The following TFB1M variants were observed in gnomAD, a reference collection of about 807,000 sequenced individuals.
The protein encoded by TFB1M is transcription factor B1, mitochondrial, also known as dimethyladenosine transferase 1, mitochondrial.
A neutral mutation model predicts 31.1 loss-of-function variants in TFB1M; 27 were observed. The ratio of observed to expected loss-of-function variants is 0.87; its 90% CI spans 0.64 to 1.20. TFB1M has a LOEUF of 1.20. Ranked by LOEUF, TFB1M falls within the 50% of genes most tolerant of loss-of-function variation. TFB1M has a pLI of 0.00. For missense variants in TFB1M, 394 were observed against 418.7 expected (o/e 0.94, Z 0.51); for synonymous variants, 166 against 151.8 (o/e 1.09, Z -0.69).
At chr6:155,310,998 G>A (rs895698382) in intron 2 of TFB1M, 190 bp downstream of exon 2, 12 of 646,398 alleles carry the variant, frequency 1.9e-5, no homozygotes, top group African/African-American at 1.3e-4. Context: ...CCCTCTGAGA[G>A]TGCTTGTTAA....
intron 1 of TFB1M, among the ~76,000 whole-genome samples, chr6:155,312,853 G>A (rs1013071662): frequency 1.3e-5 from 2 of 151,936 alleles, no homozygotes; most frequent in Admixed American, 6.6e-5. Flanking sequence ...TTTAGAATGT[G>A]GCTAATAACA....
downstream of TFB1M, chr6:155,254,639 C>T (rs1402218373): frequency 6.4e-7 from 1 of 1,565,106 alleles, no homozygotes; most frequent in Non-Finnish European, 8.7e-7. Flanking sequence ...AGGATATATG[C>T]TCTTGTAACA....
rs536463374 is a variant in TFB1M at position 155,269,934 on chromosome 6, G to A, written c.667-9534C>T. On this transcript the variant is annotated intron_variant, in intron 5 of 6. Coordinates refer to ENST00000367166, the MANE Select transcript of TFB1M (RefSeq NM_016020.4). ...GTGCCAGGCACTGATCCTGGCACAGGAGAATCAGTGATGAACGAAACAGAG... is the reference window on the plus strand; with the variant it reads ...GTGCCAGGCACTGATCCTGGCACAGAAGAATCAGTGATGAACGAAACAGAG... Among the ~76,000 whole-genome samples the A allele has an allele frequency of 2.6e-5, 4 of 152,356 alleles. No homozygotes were observed. In the East Asian group the frequency reaches 7.7e-4, roughly 29 times the overall value.
At chr6:155,235,213 G>C in the TFB1M span, among the ~76,000 whole-genome samples, 4 of 152,244 alleles carry the variant, frequency 2.6e-5, no homozygotes, top group Non-Finnish European at 5.9e-5. Context: ...GTGCACAGCA[G>C]CTGCTCGGCA....
the TFB1M span, among the ~76,000 whole-genome samples, chr6:155,229,919 T>C: frequency 2.0e-5 from 3 of 151,966 alleles, no homozygotes; most frequent in Non-Finnish European, 2.9e-5. Context: ...CTCGTGAGAC[T>C]TATTCACTAT....
chr6:155,257,960 A>G lies in TFB1M; in HGVS notation c.917T>C (p.Val306Ala). ...SISHFKSLCD[V>A]YRKMCDEDPQ... is the part of the protein sequence containing the mutation. Reference sequence around the variant, plus strand: ...GTCTTCATCACACATTTTTCTGTATACATCACAGAGGCTCTTAAAGTGTGA... The same window carrying G: ...GTCTTCATCACACATTTTTCTGTATGCATCACAGAGGCTCTTAAAGTGTGA... The change falls in exon 7 of 7, where the codon GTA becomes GCA. Residue 306 changes from valine to alanine, a missense_variant. Coordinates refer to ENST00000367166, the MANE Select transcript of TFB1M (RefSeq NM_016020.4). 1.2e-6 allele frequency: 2 copies of G among 1,614,236 alleles called. No individual in the cohort carries two copies. The highest frequency in any genetic ancestry group is 2.2e-5 in the South Asian group (2 of 91,086).
chr6:155,256,233 G>C lies in TFB1M; in HGVS notation c.*1603C>G. 3.3e-6 allele frequency: 2 copies of C among 603,984 alleles called. No individual in the cohort carries two copies. The highest frequency in any genetic ancestry group is 5.8e-6 in the Non-Finnish European group (2 of 344,632). The allele number at this position is 603,984 out of a possible 1,614,324, so 37.4% of individuals were successfully genotyped here. A position where few individuals can be genotyped will look rare whatever the true frequency, so the allele number is the denominator to read the frequency against. ...CCCATGTAGTAGTTTCTAGTGTCTA[G>C]TTCTATTTACATAATTGAGCTCTGG... is the stretch of plus-strand genomic sequence containing the variant. On this transcript the variant is annotated 3_prime_UTR_variant, in exon 7 of 7. Coordinates refer to ENST00000367166, the MANE Select transcript of TFB1M (RefSeq NM_016020.4).
chr6:155,244,523 C>A, the TFB1M span: 1 of 1,092,490 alleles, frequency 9.2e-7, no homozygotes. Context: ...AATGTGCTGT[C>A]TTCTTAAAGG....
chr6:155,246,933 G>C, the TFB1M span, among the ~76,000 whole-genome samples: 1 of 152,234 alleles, frequency 6.6e-6, no homozygotes, highest in Non-Finnish European at 1.5e-5. Context: ...AGTGCCAACT[G>C]GTGGAATCCA....
At chr6:155,248,019 C>A in the TFB1M span, 1 of 1,614,168 alleles carries the variant, frequency 6.2e-7, no homozygotes, top group Non-Finnish European at 8.5e-7. Context: ...ACAAAGCCTT[C>A]AAGGCTTTTC....
At chr6:155,302,171 T>C (rs1050057521) in intron 2 of TFB1M, among the ~76,000 whole-genome samples, 1 of 152,226 alleles carries the variant, frequency 6.6e-6, no homozygotes, top group African/African-American at 2.4e-5. Context: ...AAATACTACA[T>C]TGAATACCCA....
In TFB1M at chr6:155,256,825, C is replaced by T. The variant is rs1283856992; in HGVS notation, c.*1011G>A. On this transcript the variant is annotated 3_prime_UTR_variant, in exon 7 of 7. Transcript: ENST00000367166. The stretch of plus-strand genomic sequence containing the variant: ...GAGGATTTCCGAGGACCCAGACGTT[C>T]ACCCCGAGGCTGAGCAGCAGCCTGG... 5.6e-6 allele frequency: 9 copies of T among 1,614,136 alleles called. No individual in the cohort carries two copies. Among genetic ancestry groups the T allele is most frequent in the Admixed American group, 1.7e-5 (1 of 60,008 alleles).
intron 5 of TFB1M, among the ~76,000 whole-genome samples, chr6:155,267,726 T>C (rs976170642): frequency 3.3e-5 from 5 of 152,184 alleles, no homozygotes; most frequent in African/African-American, 1.2e-4. Flanking sequence ...TTTTTCCTCC[T>C]GGCCCCTTGA....
chr6:155,238,765 A>G, the TFB1M span, among the ~76,000 whole-genome samples: 22 of 152,312 alleles, frequency 1.4e-4, no homozygotes, highest in South Asian at 1.0e-3. Context: ...TTGATTCCAG[A>G]TTGCCTTAGG....
At chr6:155,237,026 C>T in the TFB1M span, among the ~76,000 whole-genome samples, 4 of 152,206 alleles carry the variant, frequency 2.6e-5, no homozygotes, top group Admixed American at 2.0e-4. Context: ...GAAAGGTCTA[C>T]AGTCTAAAAT....
chr6:155,242,118 T>C, the TFB1M span, among the ~76,000 whole-genome samples: 1 of 152,160 alleles, frequency 6.6e-6, no homozygotes, highest in Non-Finnish European at 1.5e-5. Flanking sequence ...ACCTGCACTT[T>C]GTTTTCTTAG....
intron 5 of TFB1M, among the ~76,000 whole-genome samples, chr6:155,270,944 TA>T (rs201715929): frequency 0.03 from 4,627 of 152,294 alleles, 112 homozygotes; most frequent in Non-Finnish European, 0.047. Flanking sequence ...CCAGTACACA[TA>T]AAGCTTACAA....
chr6:155,260,570 T>C, intron 5 of TFB1M, 170 bp from the exon 6 acceptor site: 1 of 803,282 alleles, frequency 1.2e-6, no homozygotes, highest in Non-Finnish European at 2.1e-6. Flanking sequence ...TGGTACATTC[T>C]GGATTCGCAA....
At chr6:155,243,120 T>A in the TFB1M span, among the ~76,000 whole-genome samples, 5 of 152,322 alleles carry the variant, frequency 3.3e-5, no homozygotes, top group East Asian at 7.7e-4. Flanking sequence ...ACTGTCCTGC[T>A]GGAACCTCGT....
Sources: gnomAD v4.1 joint callset for allele counts (sites outside exome capture counted in the v4.1 genomes callset) on GRCh38, gnomAD v4.1.1 for gene constraint, MANE v1.5 for transcripts, NCBI Gene and HGNC (gene_info 2026-07-23, HGNC 2026-07-21) for gene names.